FTCDNL1: variants seen among roughly 807,000 people sequenced by gnomAD.
FTCDNL1 encodes formiminotransferase N-terminal subdomain-containing protein.
In FTCDNL1, 11 loss-of-function variants were observed where a neutral mutation model predicts 5.9. That is an observed-to-expected ratio of 1.87 (90% CI 1.18 to 3.10). The LOEUF (loss-of-function observed/expected upper bound fraction) is 3.10, where lower values mean the gene tolerates loss of function less well. Ranked by LOEUF, FTCDNL1 falls within the 30% of genes most tolerant of loss-of-function variation. The pLI is 0.00. For missense variants in FTCDNL1, 115 were observed against 65.5 expected (o/e 1.76, Z -2.61); for synonymous variants, 58 against 24.8 (o/e 2.34, Z -3.99).
At chr2:199,793,535 T>A (rs539558804) in intron 3 of FTCDNL1, among the ~76,000 whole-genome samples, 1 of 106,250 alleles carries the variant, frequency 9.4e-6, no homozygotes, top group East Asian at 6.2e-4. Flanking sequence ...TTTTCCCTTA[T>A]GAATTTTCAC....
intron 3 of FTCDNL1, among the ~76,000 whole-genome samples, chr2:199,832,271 C>T (rs913105156): frequency 6.6e-6 from 1 of 152,128 alleles, no homozygotes; most frequent in African/African-American, 2.4e-5. Context: ...ATACTGTACT[C>T]CATAACTCAT....
At chr2:199,742,019 A>G in the FTCDNL1 span, among the ~76,000 whole-genome samples, 8 of 152,084 alleles carry the variant, frequency 5.3e-5, no homozygotes, top group East Asian at 9.7e-4. Flanking sequence ...CTCCAGCTTC[A>G]TTTCCTACCC....
At chr2:199,846,711 C>A (rs761848768) in intron 2 of FTCDNL1, among the ~76,000 whole-genome samples, 7 of 152,194 alleles carry the variant, frequency 4.6e-5, no homozygotes, top group Non-Finnish European at 8.8e-5. Flanking sequence ...CCACCAACAG[C>A]CTTCAGATGT....
At chr2:199,815,870 C>A (rs1231946987) in intron 4 of FTCDNL1, among the ~76,000 whole-genome samples, 1 of 152,014 alleles carries the variant, frequency 6.6e-6, no homozygotes, top group African/African-American at 2.4e-5. Context: ...CATGGTGGCA[C>A]GTGCCTGTAG....
the FTCDNL1 span, among the ~76,000 whole-genome samples, chr2:199,668,290 T>A: frequency 3.3e-5 from 5 of 152,182 alleles, no homozygotes; most frequent in African/African-American, 1.2e-4. Context: ...ACCTTAAAAA[T>A]AGTTTTTCAT....
At chr2:199,703,304 G>T in the FTCDNL1 span, among the ~76,000 whole-genome samples, 6 of 151,914 alleles carry the variant, frequency 3.9e-5, no homozygotes, top group African/African-American at 1.5e-4. Flanking sequence ...GTCCAGTAAG[G>T]TAGGCACCAG....
chr2:199,754,142 G>T, the FTCDNL1 span, among the ~76,000 whole-genome samples: 2 of 152,144 alleles, frequency 1.3e-5, no homozygotes. Context: ...CCTGAAAATT[G>T]TCCCCCACAA....
At chr2:199,829,493 A>G (rs1702237180) in intron 3 of FTCDNL1, among the ~76,000 whole-genome samples, 2 of 152,174 alleles carry the variant, frequency 1.3e-5, no homozygotes, top group Admixed American at 1.3e-4. Context: ...TCTCAGTGCA[A>G]TGAGAAGTTT....
At chr2:199,736,210 G>A in the FTCDNL1 span, among the ~76,000 whole-genome samples, 1 of 152,214 alleles carries the variant, frequency 6.6e-6, no homozygotes, top group Non-Finnish European at 1.5e-5. Flanking sequence ...ATAAAGAGAT[G>A]GGTGCAGGTT....
At chr2:199,806,948 G>T (rs181665229), downstream of FTCDNL1, among the ~76,000 whole-genome samples, 129 of 152,246 alleles carry the variant, frequency 8.5e-4, 1 homozygote, top group Admixed American at 3.9e-3. Context: ...AAGGAGGGAG[G>T]GTAAATATGA....
chr2:199,675,769 G>A, the FTCDNL1 span, among the ~76,000 whole-genome samples: 1 of 152,110 alleles, frequency 6.6e-6, no homozygotes, highest in Non-Finnish European at 1.5e-5. Context: ...CCAACCTCCT[G>A]TTTTGAGACA....
chr2:199,671,149 T>C, the FTCDNL1 span, among the ~76,000 whole-genome samples: 1 of 132,542 alleles, frequency 7.5e-6, no homozygotes, highest in African/African-American at 2.6e-5. Context: ...AGGCATAATA[T>C]CTGTATTAAA....
chr2:199,758,307 AAAAC>A (rs374980612), downstream of FTCDNL1, among the ~76,000 whole-genome samples: 26 of 152,236 alleles, frequency 1.7e-4, no homozygotes, highest in Non-Finnish European at 3.5e-4. Context: ...AATAAATGAG[AAAAC>A]AAACAAATAA....
intron 3 of FTCDNL1, among the ~76,000 whole-genome samples, chr2:199,765,556 A>ATATATATATATTTTTTTTTTT: frequency 8.2e-4 from 35 of 42,620 alleles, no homozygotes; most frequent in Non-Finnish European, 1.1e-3. Context: ...ATATATATAT[A>ATATATATATATTTTTTTTTTT]TTTTTTTTTT....
chr2:199,782,109 A>G (rs1479905559), intron 3 of FTCDNL1, among the ~76,000 whole-genome samples: 1 of 152,102 alleles, frequency 6.6e-6, no homozygotes, highest in East Asian at 1.9e-4. Context: ...AATTTGCTCT[A>G]CCAAAGACAG....
Position 199,841,890 on chromosome 2 carries a change from T to A in FTCDNL1, c.211+4185A>T, listed in dbSNP as rs371722087. ...TAAAACTTAAAGCCAATCATTTAAT[T>A]TTCTTGCTTAAAACACTTCAGTGGT... On this transcript the variant is annotated intron_variant, in intron 3 of 4. Coordinates refer to ENST00000420128, the MANE Select transcript of FTCDNL1 (RefSeq NM_001363886.2). 2.6e-5 allele frequency among the ~76,000 whole-genome samples: 4 copies of A among 152,186 alleles called. No individual in the cohort carries two copies. The East Asian group carries it at 5.8e-4, about 22-fold the overall frequency.
At chr2:199,784,921 T>C (rs1181351087) in intron 3 of FTCDNL1, among the ~76,000 whole-genome samples, 1 of 152,130 alleles carries the variant, frequency 6.6e-6, no homozygotes, top group African/African-American at 2.4e-5. Context: ...CTGAGAACAC[T>C]TAAAACACAC....
chr2:199,805,254 G>C (rs1328386774), downstream of FTCDNL1, among the ~76,000 whole-genome samples: 1 of 152,192 alleles, frequency 6.6e-6, no homozygotes, highest in African/African-American at 2.4e-5. Flanking sequence ...GAGCCTAATA[G>C]GGAACTGGCT....
chr2:199,773,154 G>A (rs1282731263), intron 3 of FTCDNL1, among the ~76,000 whole-genome samples: 1 of 152,082 alleles, frequency 6.6e-6, no homozygotes, highest in Non-Finnish European at 1.5e-5. Flanking sequence ...GTTGTAATAG[G>A]GGTGGGGACA....
Sources: allele counts gnomAD v4.1 joint callset (sites outside exome capture counted in the v4.1 genomes callset), GRCh38; gene constraint gnomAD v4.1.1; transcripts MANE v1.5; gene names NCBI Gene and HGNC (gene_info 2026-07-23, HGNC 2026-07-21).